Variants in RIPOR2 observed in about 807,000 individuals in gnomAD.
RIPOR2 encodes the protein RHO family interacting cell polarization regulator 2.
RIPOR2 carries 39 observed loss-of-function variants against 114.5 expected under a neutral mutation model. The ratio of observed to expected loss-of-function variants is 0.34; its 90% confidence interval spans 0.26 to 0.44. The LOEUF is 0.44. Ranked by LOEUF, RIPOR2 falls within the 20% of genes least tolerant of loss-of-function variation. The pLI is 1.00. For missense variants in RIPOR2, 1,007 were observed against 1,255.1 expected (o/e 0.80, Z 2.99); for synonymous variants, 445 against 484.4 (o/e 0.92, Z 1.07).
chr6:24,896,908 AATAG>A (rs750325662), intron 1 of RIPOR2, among the ~76,000 whole-genome samples: 2 of 152,140 alleles, frequency 1.3e-5, no homozygotes, highest in Admixed American at 1.3e-4. Context: ...TCTCAAAATA[AATAG>A]ATAAATAAAT....
chr6:25,021,073 G>T (rs1465412631), intron 1 of RIPOR2, among the ~76,000 whole-genome samples: 1 of 152,116 alleles, frequency 6.6e-6, no homozygotes, highest in Non-Finnish European at 1.5e-5. Context: ...TGGCCAGGCT[G>T]GTCTCGAACT....
chr6:24,887,571 A>T (rs1248422881), intron 1 of RIPOR2, among the ~76,000 whole-genome samples: 1 of 152,262 alleles, frequency 6.6e-6, no homozygotes, highest in East Asian at 1.9e-4. Context: ...CACATTTTAC[A>T]GGTGAAGAAA....
rs72839936 is a variant in RIPOR2 at position 24,913,436 on chromosome 6, A to G, written c.61+22402T>C. 1.0e-2 allele frequency among the ~76,000 whole-genome samples: 1,516 copies of G among 152,266 alleles called. 9 individuals are homozygous for G. The highest frequency in any genetic ancestry group is 0.017 in the Non-Finnish European group (1,150 of 68,014). On this transcript the variant is annotated intron_variant, in intron 1 of 21. Coordinates refer to ENST00000643898, the MANE Select transcript of RIPOR2 (RefSeq NM_001286445.3). ...CTGCATTAGACTGGAAGCTCTGGCA[A>G]TTGGGATCTGTCCTGGGTGACTTTG...
intron 1 of RIPOR2, among the ~76,000 whole-genome samples, chr6:24,941,126 A>G (rs1332561155): frequency 6.6e-5 from 10 of 152,124 alleles, no homozygotes; most frequent in Non-Finnish European, 1.3e-4. Context: ...CAGGAGCCAC[A>G]CTTAGAGTCA....
chr6:24,817,842 G>A (rs1759299836), intron 20 of RIPOR2, among the ~76,000 whole-genome samples: 1 of 151,966 alleles, frequency 6.6e-6, no homozygotes, highest in Admixed American at 6.6e-5. Context: ...GAATTCAGTG[G>A]CATACTGAAT....
At chr6:24,818,726 C>A in intron 19 of RIPOR2, 101 bp from the exon 20 acceptor site, 1 of 578,052 alleles carries the variant, frequency 1.7e-6, no homozygotes, top group Non-Finnish European at 2.9e-6. Flanking sequence ...AGCATATAAC[C>A]TACACATTTT....
At chr6:24,901,091 A>G (rs1448595862) in intron 1 of RIPOR2, among the ~76,000 whole-genome samples, 3 of 152,126 alleles carry the variant, frequency 2.0e-5, no homozygotes, top group Non-Finnish European at 4.4e-5. Flanking sequence ...CTAAAGGGAG[A>G]TGATAGAGGG....
In RIPOR2 at chr6:25,028,078, T is replaced by A. The variant is rs571300585; in HGVS notation, c.76+13773A>T. Among the ~76,000 whole-genome samples the A allele has an allele frequency of 3.9e-5, 6 of 152,350 alleles. No individual in the cohort carries two copies. The East Asian group carries it at 1.2e-3, about 29-fold the overall frequency. ...CCTGCATAAAAAAGTATTCAGGGAC[T>A]CAAGCTAGGCATTCTGTAGAGATTT... On this transcript the variant is annotated intron_variant, in intron 1 of 13. Coordinates refer to the RIPOR2 transcript ENST00000510784.
At chr6:24,874,716 T>G (rs550826018) in intron 2 of RIPOR2, among the ~76,000 whole-genome samples, 7 of 152,340 alleles carry the variant, frequency 4.6e-5, no homozygotes, top group Admixed American at 3.9e-4. Flanking sequence ...ACTATGCAAT[T>G]TTAGGTACAA....
chr6:24,853,035 C>G (rs1281260306), intron 8 of RIPOR2, among the ~76,000 whole-genome samples: 1 of 152,154 alleles, frequency 6.6e-6, no homozygotes, highest in Admixed American at 6.5e-5. Flanking sequence ...TTTTAAGTGC[C>G]TCCCATTTGA....
rs973504933 is a variant in RIPOR2 at position 25,037,638 on chromosome 6, GATT to G, written c.76+4210_76+4212del. On this transcript the variant is annotated intron_variant, in intron 1 of 13. Coordinates refer to the RIPOR2 transcript ENST00000510784. The surrounding 1 kb of genome is among the most constrained non-coding windows in gnomAD (Gnocchi z 4.5). ...TATTACCGTTCTCATACCTTGGTTT[GATT>G]ATTATTATTATTTTTTTACTACACT... Among the ~76,000 whole-genome samples, 4 of 152,160 alleles carry G rather than the reference GATT, an allele frequency of 2.6e-5. No individual in the cohort carries two copies. The East Asian group carries it at 5.8e-4, about 22-fold the overall frequency.
chr6:25,041,749 G>A lies in RIPOR2; in HGVS notation c.76+102C>T. The A allele has an allele frequency of 4.8e-6, 3 of 628,704 alleles. No homozygotes were observed. In the South Asian group the frequency reaches 5.4e-5, roughly 11 times the overall value. 38.9% of individuals were successfully genotyped at this position (628,704 alleles called of 1,614,324 possible). Reference sequence around the variant, plus strand: ...GGAAAGTGGAAGAGAGGAGGAAGGGGGAAAGATTGGAGAAGATTTGCAGAG... The same window carrying A: ...GGAAAGTGGAAGAGAGGAGGAAGGGAGAAAGATTGGAGAAGATTTGCAGAG... On this transcript the variant is annotated intron_variant, in intron 1 of 13. Transcript: ENST00000510784.
Position 25,030,104 on chromosome 6 carries a change from C to A in RIPOR2, c.76+11747G>T, listed in dbSNP as rs567260645. Reference sequence around the variant, plus strand: ...TCCCCTCTCTCCCATCCTTGTTCTTCTGTATCCTCCTACCTCTGCTTGTCT... The same window carrying A: ...TCCCCTCTCTCCCATCCTTGTTCTTATGTATCCTCCTACCTCTGCTTGTCT... On this transcript the variant is annotated intron_variant, in intron 1 of 13. Coordinates refer to the RIPOR2 transcript ENST00000510784. 3.9e-5 allele frequency among the ~76,000 whole-genome samples: 6 copies of A among 152,118 alleles called. No individual in the cohort carries two copies. In the South Asian group the frequency reaches 6.2e-4, roughly 16 times the overall value.
chr6:24,941,379 A>T (rs1772125953), intron 1 of RIPOR2, among the ~76,000 whole-genome samples: 1 of 152,082 alleles, frequency 6.6e-6, no homozygotes, highest in Non-Finnish European at 1.5e-5. Flanking sequence ...GAAACAGAAA[A>T]AAAAAAAAGC....
chr6:24,854,780 C>T (rs1328305159), intron 8 of RIPOR2, among the ~76,000 whole-genome samples: 3 of 152,048 alleles, frequency 2.0e-5, no homozygotes, highest in Admixed American at 6.6e-5. Flanking sequence ...GTAATCCCAG[C>T]ACTTTAGGAG....
intron 1 of RIPOR2, among the ~76,000 whole-genome samples, chr6:25,025,446 T>A (rs1776566692): frequency 6.6e-6 from 1 of 152,060 alleles, no homozygotes; most frequent in Non-Finnish European, 1.5e-5. Context: ...GAGGCTTTTT[T>A]AGGGTTAGAA....
rs1181914314 is a variant in RIPOR2 at position 24,855,986 on chromosome 6, G to A, written c.716-3368C>T. ...GAGTTTCAGGCGGCCGTGAGCCACTGAACTCCAGCCTGTGTGACAGAGCGA... is the reference window on the plus strand; with the variant it reads ...GAGTTTCAGGCGGCCGTGAGCCACTAAACTCCAGCCTGTGTGACAGAGCGA... On this transcript the variant is annotated intron_variant, in intron 8 of 21. Transcript: ENST00000643898. Among the ~76,000 whole-genome samples the A allele has an allele frequency of 2.0e-5, 3 of 152,174 alleles. No homozygotes were observed. The East Asian group carries it at 5.8e-4, about 29-fold the overall frequency.
chr6:24,821,184 G>T (rs867153998), intron 19 of RIPOR2, among the ~76,000 whole-genome samples: 43 of 127,974 alleles, frequency 3.4e-4, no homozygotes, highest in Non-Finnish European at 5.2e-4. Flanking sequence ...GTTTAACACT[G>T]TTTTTTTTTT....
intron 1 of RIPOR2, among the ~76,000 whole-genome samples, chr6:24,971,906 G>C (rs1241209191): frequency 1.3e-5 from 2 of 152,000 alleles, no homozygotes; most frequent in East Asian, 3.9e-4. Flanking sequence ...ATAAAATGAG[G>C]AGAGTAATTG....
Sources: allele counts gnomAD v4.1 joint callset (sites outside exome capture counted in the v4.1 genomes callset), GRCh38; gene constraint gnomAD v4.1.1; non-coding constraint Gnocchi (gnomAD v3.1); transcripts MANE v1.5; gene names NCBI Gene and HGNC (gene_info 2026-07-23, HGNC 2026-07-21).